The following CCL3L3 variants were observed in gnomAD, a reference collection of about 807,000 sequenced individuals.
CCL3L3 encodes the protein C-C motif chemokine ligand 3 like 3.
Under a neutral mutation model 9.0 loss-of-function variants are expected in CCL3L3, and 6 were observed. That is an observed-to-expected ratio of 0.67 (90% confidence interval 0.37 to 1.32). The LOEUF (loss-of-function observed/expected upper bound fraction) is 1.32, where lower values mean the gene tolerates loss of function less well. Among genes scored for constraint, CCL3L3 ranks in the 40% most tolerant of loss-of-function variants. The pLI is 0.02. For synonymous variants in CCL3L3, 38 were observed against 45.7 expected, an observed-to-expected ratio of 0.83 and a Z score of 0.68; for missense variants, 93 against 117.0, an observed-to-expected ratio of 0.79 and a Z score of 0.95.
rs1441072114 is a variant in CCL3L3, at chr17:36,196,653, G to A, written c.21C>T (p.Ala7=). The A allele has an allele frequency of 1.3e-6, 2 of 1,581,048 alleles. No homozygotes were observed. The highest frequency in any genetic ancestry group is 1.7e-6 in the Non-Finnish European group (2 of 1,156,420). Residue 7 remains alanine, a synonymous_variant, in exon 1 of 3, where the codon GCC becomes GCT. Transcript: ENST00000619989. ...CCATGGTGCAGAGGAGGACGGCAAG[G>A]GCAGCAGTGGAGACCTGCATGATTG... MQVSTA[A]LAVLLCTMAL... is the part of the protein sequence containing the mutation.
chr17:36,196,243 G>A lies in CCL3L3; in HGVS notation c.77-331C>T, dbSNP rs1447678441. The A allele has an allele frequency of 2.8e-5, 18 of 641,598 alleles. 2 individuals carry two copies. The East Asian group carries it at 4.7e-4, about 17-fold the overall frequency. The allele number at this position is 641,598 out of a possible 1,614,324, so 39.7% of individuals were successfully genotyped here. ...TCTCTCATAAGACATCCAAGGGACAGGGCTCCTGGGAGACCTAGGGTGAGC... is the reference window on the plus strand; with the variant it reads ...TCTCTCATAAGACATCCAAGGGACAAGGCTCCTGGGAGACCTAGGGTGAGC... On this transcript the variant is annotated intron_variant, in intron 1 of 2. Transcript: ENST00000619989.
At position 36,196,513 on chromosome 17, in the gene CCL3L3, G is replaced by A. The variant is rs1299233645; in HGVS notation, c.76+85C>T. 38 of 1,446,550 alleles carry A rather than the reference G, an allele frequency of 2.6e-5. 2 individuals are homozygous for A. Among genetic ancestry groups the A allele is most frequent in the African/African-American group, 4.0e-5 (3 of 74,410 alleles). 89.6% of individuals were successfully genotyped at this position (1,446,550 alleles called of 1,614,324 possible). On this transcript the variant is annotated intron_variant, in intron 1 of 2. Coordinates refer to ENST00000619989, the MANE Select transcript of CCL3L3 (RefSeq NM_001001437.4). ...TTAAGAACTTCCTTCTTTTCTCTTCGGGGCTCTCAGGCCACAAAAAAAGAC... is the reference window on the plus strand; with the variant it reads ...TTAAGAACTTCCTTCTTTTCTCTTCAGGGCTCTCAGGCCACAAAAAAAGAC...
Position 36,196,644 on chromosome 17 carries a change from G to C in CCL3L3, c.30C>G (p.Val10=). The part of the protein sequence containing the change: MQVSTAALA[V]LLCTMALCNQ... ...TGCAGAGAGCCATGGTGCAGAGGAG[G>C]ACGGCAAGGGCAGCAGTGGAGACCT... is the stretch of plus-strand genomic sequence containing the variant. Residue 10 remains valine (V), a synonymous_variant, in exon 1 of 3, where the codon GTC becomes GTG. Coordinates refer to ENST00000619989, the MANE Select transcript of CCL3L3 (RefSeq NM_001001437.4). The C allele has an allele frequency of 6.3e-7, 1 of 1,581,108 alleles. No homozygotes were observed. The highest frequency in any genetic ancestry group is 1.7e-5 in the Admixed American group (1 of 59,104).
chr17:36,195,965 G>C, intron 1 of CCL3L3, 53 bp from the exon 2 acceptor site: 1 of 1,559,270 alleles, frequency 6.4e-7, no homozygotes, highest in Middle Eastern at 1.8e-4. Flanking sequence ...GAAAAGGCCA[G>C]GCAGCTTCTG....
intron 1 of CCL3L3, chr17:36,196,348 T>C (rs1448464670): frequency 2.9e-6 from 2 of 691,486 alleles, no homozygotes; most frequent in Non-Finnish European, 5.4e-6. Flanking sequence ...TTTTGAACCC[T>C]GTTTTTCTAT....
chr17:36,195,634 C>T, intron 2 of CCL3L3, 164 bp downstream of exon 2: 2 of 1,114,368 alleles, frequency 1.8e-6, no homozygotes, highest in Admixed American at 1.9e-5. Context: ...GTAACACCCA[C>T]CTCACTCCAG....
chr17:36,195,584 T>A, intron 2 of CCL3L3: 1 of 1,027,082 alleles, frequency 9.7e-7, no homozygotes, highest in South Asian at 1.3e-5. Flanking sequence ...TCCTTCTTCC[T>A]GTCCCTTTCC....
intron 1 of CCL3L3, 172 bp from the exon 2 acceptor site, chr17:36,196,084 C>G: frequency 2.6e-6 from 2 of 771,942 alleles, no homozygotes; most frequent in Non-Finnish European, 4.4e-6. Flanking sequence ...TTCCTCTTTC[C>G]CCTTGACTCT....
intron 2 of CCL3L3, 133 bp from the exon 3 acceptor site, chr17:36,195,509 A>G (rs2068611137): frequency 7.9e-7 from 1 of 1,273,180 alleles, no homozygotes; most frequent in Non-Finnish European, 1.1e-6. Context: ...CCCCCTGCCT[A>G]TCTCCGTCTA....
Position 36,195,922 on chromosome 17 carries a change from A to C in CCL3L3, c.77-10T>G. 1 of 1,582,842 alleles carries C rather than the reference A, an allele frequency of 6.3e-7. No individual in the cohort carries two copies. On this transcript the variant is annotated splice_polypyrimidine_tract_variant and intron_variant, in intron 1 of 2. Transcript: ENST00000619989. Reference sequence around the variant, plus strand: ...GGCGTGTCAGCAGCAACTGCGGAGAAAGGAGAGAATAAGCCCGAGTCACAG... The same window carrying C: ...GGCGTGTCAGCAGCAACTGCGGAGACAGGAGAGAATAAGCCCGAGTCACAG...
chr17:36,196,441 TA>T, intron 1 of CCL3L3, 156 bp downstream of exon 1: 1 of 981,078 alleles, frequency 1.0e-6, no homozygotes, highest in Non-Finnish European at 1.6e-6. Context: ...CTTCTAGAGA[TA>T]AAAATAAAAG....
chr17:36,195,624 G>C (rs2068612494), intron 2 of CCL3L3, 174 bp downstream of exon 2: 4 of 1,083,396 alleles, frequency 3.7e-6, no homozygotes, highest in Non-Finnish European at 4.2e-6. Context: ...TCCTGACTCT[G>C]TAACACCCAC....
At chr17:36,196,079 C>G in intron 1 of CCL3L3, 167 bp from the exon 2 acceptor site, 1 of 809,394 alleles carries the variant, frequency 1.2e-6, no homozygotes, top group Non-Finnish European at 2.1e-6. Flanking sequence ...CTATATTCCT[C>G]TTTCCCCTTG....
At chr17:36,195,732 C>A (rs1235378693) in intron 2 of CCL3L3, 66 bp downstream of exon 2, 2 of 1,543,710 alleles carry the variant, frequency 1.3e-6, no homozygotes, top group Admixed American at 1.7e-5. Context: ...GGCCTTCTGG[C>A]CTGTTTCTGC....
At chr17:36,196,066 T>C in intron 1 of CCL3L3, 154 bp from the exon 2 acceptor site, 2 of 886,466 alleles carry the variant, frequency 2.3e-6, no homozygotes, top group Non-Finnish European at 3.7e-6. Context: ...TCTTTGTTTC[T>C]GTCTATATTC....
chr17:36,196,190 T>C (rs2068619342), intron 1 of CCL3L3: 11 of 629,392 alleles, frequency 1.7e-5, no homozygotes, highest in East Asian at 2.7e-5. Flanking sequence ...CAAGAAGTCA[T>C]ACCCCAGCCC....
At chr17:36,196,089 G>A (rs1185632067) in intron 1 of CCL3L3, 177 bp from the exon 2 acceptor site, 4 of 750,746 alleles carry the variant, frequency 5.3e-6, no homozygotes, top group African/African-American at 4.7e-5. Flanking sequence ...CTTTCCCCTT[G>A]ACTCTTCATA....
chr17:36,195,816 C>A lies in CCL3L3; in HGVS notation c.173G>T (p.Cys58Phe). ...CACTTACATGACACTGGGCTTGGAG[C>A]ACTGGCTGCTCGTCTCAAAGTAGTC... Reference protein sequence around the residue: ...IADYFETSSQCSKPSVIFLTK... With the variant: ...IADYFETSSQFSKPSVIFLTK... Residue 58 changes from cysteine (C) to phenylalanine (F), a missense_variant, in exon 2 of 3, where the codon TGC becomes TTC. Transcript: ENST00000619989. 1 of 1,583,066 alleles carries A rather than the reference C, an allele frequency of 6.3e-7. No homozygotes were observed. The highest frequency in any genetic ancestry group is 1.8e-4 in the Middle Eastern group (1 of 5,626).
chr17:36,196,723 A>C lies in CCL3L3; in HGVS notation c.-50T>G, dbSNP rs2068625090. On this transcript the variant is annotated 5_prime_UTR_variant, in exon 1 of 3. Coordinates refer to ENST00000619989, the MANE Select transcript of CCL3L3 (RefSeq NM_001001437.4). ...GGGCTCGAGTGTCAGCAGAGCCAAG[A>C]AGGGACTGACTACTCTTTGCTGCCT... The C allele has an allele frequency of 6.5e-7, 1 of 1,550,318 alleles. No homozygotes were observed. Among genetic ancestry groups the C allele is most frequent in the Admixed American group, 1.7e-5 (1 of 58,578 alleles).
Sources: allele counts gnomAD v4.1 joint callset, GRCh38; gene constraint gnomAD v4.1.1; transcripts MANE v1.5; gene names NCBI Gene and HGNC (gene_info 2026-07-23, HGNC 2026-07-21).